PIK3R4: variants seen among roughly 807,000 people sequenced by gnomAD.
PIK3R4 encodes phosphoinositide-3-kinase regulatory subunit 4, also known as phosphoinositide 3-kinase regulatory subunit 4.
PIK3R4 carries 46 observed loss-of-function variants against 136.5 expected under a neutral mutation model. The observed-to-expected ratio is 0.34, with a 90% CI of 0.27 to 0.43. The LOEUF is 0.43. Ranked by LOEUF, PIK3R4 falls within the 20% of genes least tolerant of loss-of-function variation. PIK3R4 has a pLI of 1.00. For missense variants in PIK3R4, 1,331 were observed against 1,649.5 expected (o/e 0.81, Z 3.35); for synonymous variants, 557 against 566.7 (o/e 0.98, Z 0.24).
In PIK3R4 at chr3:130,708,444, T is replaced by C. The variant is rs371460087; in HGVS notation, c.2380A>G (p.Met794Val). 18 of 1,613,518 alleles carry C rather than the reference T, an allele frequency of 1.1e-5. No homozygotes were observed. The highest frequency in any genetic ancestry group is 1.4e-5 in the Non-Finnish European group (17 of 1,179,602). The change falls in exon 10 of 20, where the codon ATG (methionine) becomes GTG (valine). Residue 794 changes from methionine to valine, a missense_variant. By Grantham distance (21) the Met-to-Val change is conservative (BLOSUM62 1). Transcript: ENST00000356763. ...EDKLLALKDFMMKSNKAKANI... is the reference protein window; with the variant it reads ...EDKLLALKDFVMKSNKAKANI... The stretch of plus-strand genomic sequence containing the variant: ...GCCTTTGCTTTATTAGATTTCATCA[T>C]GAAGTCTTTCAGTGCCAGAAGTTTG...
At position 130,745,157 on chromosome 3, in the gene PIK3R4, G is replaced by C; in HGVS notation, c.62C>G (p.Ser21Ter). 6.2e-7 allele frequency: 1 copy of C among 1,611,368 alleles called. No individual in the cohort carries two copies. Among genetic ancestry groups the C allele is most frequent in the Admixed American group, 1.7e-5 (1 of 59,530 alleles). Reference protein sequence around the residue: ...SQILSVESYFSDIHDFEYDKS... With the variant: ...SQILSVESYF ...ATCATATTCAAAGTCATGAATATCT[G>C]AAAAATAACTCTCTACAGAAAGGAT... Residue 21 changes from serine to a stop codon, truncating the protein, a stop_gained, in exon 2 of 20, where the codon TCA becomes TGA. Transcript: ENST00000356763. LOFTEE classifies it high-confidence loss of function.
At chr3:130,704,911 A>C (rs1275016566) in intron 12 of PIK3R4, among the ~76,000 whole-genome samples, 1 of 152,032 alleles carries the variant, frequency 6.6e-6, no homozygotes, top group African/African-American at 2.4e-5. Flanking sequence ...GCTCACTGCA[A>C]CCTCTACCTC....
intron 7 of PIK3R4, among the ~76,000 whole-genome samples, chr3:130,723,063 A>C (rs1233889673): frequency 2.1e-5 from 1 of 48,476 alleles, no homozygotes; most frequent in African/African-American, 1.2e-4. Context: ...AGACTGTCGC[A>C]AAAAAAAAAA....
chr3:130,711,717 T>G (rs1361899493), intron 9 of PIK3R4, among the ~76,000 whole-genome samples: 1 of 152,084 alleles, frequency 6.6e-6, no homozygotes, highest in Non-Finnish European at 1.5e-5. Flanking sequence ...AAAGCAAAGC[T>G]TAAAAGGATG....
Position 130,746,399 on chromosome 3 carries a change from A to C in PIK3R4, c.-128T>G. 6.6e-6 allele frequency: 1 copy of C among 152,398 alleles called. No individual in the cohort carries two copies. Among genetic ancestry groups the C allele is most frequent in the South Asian group, 2.1e-4 (1 of 4,818 alleles). The allele number at this position is 152,398 out of a possible 1,614,324, so 9.4% of individuals were successfully genotyped here. On this transcript the variant is annotated 5_prime_UTR_variant, in exon 1 of 20. Coordinates refer to ENST00000356763, the MANE Select transcript of PIK3R4 (RefSeq NM_014602.3). ...GACTACTTCGGGGACGGGACGGGAA[A>C]ACGCGTCAGCAGCGGGGAAGTTGTT...
chr3:130,683,296 G>A (rs1232238479), intron 16 of PIK3R4, among the ~76,000 whole-genome samples: 2 of 152,178 alleles, frequency 1.3e-5, no homozygotes, highest in African/African-American at 4.8e-5. Flanking sequence ...ATAGGTATGA[G>A]TCTGAATAAA....
Position 130,686,125 on chromosome 3 carries a change from A to G in PIK3R4, c.3475+86T>C, listed in dbSNP as rs1006262237. 5.1e-6 allele frequency: 4 copies of G among 786,160 alleles called. No individual in the cohort carries two copies. In the African/African-American group the frequency reaches 7.0e-5, roughly 14 times the overall value. The allele number at this position is 786,160 out of a possible 1,614,324, so 48.7% of individuals were successfully genotyped here. A position where few individuals can be genotyped will look rare whatever the true frequency, so the allele number is the denominator to read the frequency against. On this transcript the variant is annotated intron_variant, in intron 15 of 19. Coordinates refer to ENST00000356763, the MANE Select transcript of PIK3R4 (RefSeq NM_014602.3). Reference sequence around the variant, plus strand: ...AGACGGGAAAAATTACCAATGAACAAAGAGGAAAAAACTGATTTCACAAGA... The same window carrying G: ...AGACGGGAAAAATTACCAATGAACAGAGAGGAAAAAACTGATTTCACAAGA...
intron 2 of PIK3R4, among the ~76,000 whole-genome samples, chr3:130,740,073 G>A (rs971593788): frequency 6.6e-6 from 1 of 152,156 alleles, no homozygotes; most frequent in Non-Finnish European, 1.5e-5. Context: ...TCATCATTGG[G>A]GGAAGCTGGG....
intron 13 of PIK3R4, among the ~76,000 whole-genome samples, chr3:130,695,651 T>G (rs780864441): frequency 8.5e-5 from 13 of 152,166 alleles, no homozygotes; most frequent in Non-Finnish European, 1.2e-4. Flanking sequence ...TTTTGAGAGA[T>G]AGAGACTCTA....
chr3:130,744,553 A>G lies in PIK3R4; in HGVS notation c.666T>C (p.Leu222=). 2 of 1,614,202 alleles carry G rather than the reference A, an allele frequency of 1.2e-6. No homozygotes were observed. ...TTCTCTGATTGCTATTTAAGTCTAC[A>G]AGCGGAGTTGAAGGATCTCTCATAT... The part of the protein sequence containing the change: ...LEYMRDPSTP[L]VDLNSNQRTR... Residue 222 remains leucine (L), a synonymous_variant, in exon 2 of 20, where the codon CTT becomes CTC. Transcript: ENST00000356763.
intron 16 of PIK3R4, among the ~76,000 whole-genome samples, chr3:130,682,919 T>C (rs139002238): frequency 6.6e-6 from 1 of 152,124 alleles, no homozygotes; most frequent in Non-Finnish European, 1.5e-5. Flanking sequence ...AAGAAAAAAA[T>C]GGTCTTAAGA....
At chr3:130,681,147 A>ACTGT (rs1289270086) in intron 17 of PIK3R4, 82 bp from the exon 18 acceptor site, 4 of 827,482 alleles carry the variant, frequency 4.8e-6, no homozygotes, top group South Asian at 1.4e-5. Context: ...AGGCAAGTTA[A>ACTGT]CTGTCAGTAG....
Position 130,707,045 on chromosome 3 carries a change from AG to A in PIK3R4, c.2623del (p.Leu875TyrfsTer9). On this transcript the variant is annotated frameshift_variant, in exon 11 of 20. Transcript: ENST00000356763. LOFTEE classifies it high-confidence loss of function. ...CACCTCCTGATCACTCCCTTTAGGT[AG>A]GGCCTGTGGCATGTTTGGTGGGTCC... ...SLDPPNMPQA[L>X]PKGSDQEVIQ... 6.2e-7 allele frequency: 1 copy of A among 1,612,984 alleles called. No individual in the cohort carries two copies. Among genetic ancestry groups the A allele is most frequent in the Non-Finnish European group, 8.5e-7 (1 of 1,179,504 alleles).
chr3:130,679,336 C>T lies in PIK3R4; in HGVS notation c.4056G>A (p.Gly1352=), dbSNP rs201481225. 1.9e-6 allele frequency: 3 copies of T among 1,606,868 alleles called. No homozygotes were observed. In the African/African-American group the frequency reaches 4.0e-5, roughly 21 times the overall value. ...GGTTTTATTTCCACACCTTCACAAT[C>T]CCATCTCTAGAAGCAGTTACGATGA... is the stretch of plus-strand genomic sequence containing the variant. The part of the protein sequence containing the change: ...QGFIVTASRD[G]IVKVWK Residue 1352 remains glycine (G), a synonymous_variant, in exon 20 of 20, where the codon GGG becomes GGA. Coordinates refer to ENST00000356763, the MANE Select transcript of PIK3R4 (RefSeq NM_014602.3).
intron 13 of PIK3R4, among the ~76,000 whole-genome samples, chr3:130,691,496 A>G (rs2066518105): frequency 6.6e-6 from 1 of 151,862 alleles, no homozygotes; most frequent in Non-Finnish European, 1.5e-5. Flanking sequence ...CTTTGAATTC[A>G]CTGCCAAACT....
At chr3:130,713,733 C>T (rs773753985) in intron 9 of PIK3R4, among the ~76,000 whole-genome samples, 7 of 151,810 alleles carry the variant, frequency 4.6e-5, no homozygotes, top group African/African-American at 9.7e-5. Flanking sequence ...AGTGCAATGG[C>T]GCGATCTCAG....
Position 130,739,231 on chromosome 3 carries a change from C to T in PIK3R4, c.734-3229G>A, listed in dbSNP as rs372731419. Among the ~76,000 whole-genome samples, 21 of 152,252 alleles carry T rather than the reference C, an allele frequency of 1.4e-4. No homozygotes were observed. In the East Asian group the frequency reaches 3.1e-3, roughly 22 times the overall value. ...AGCTGGGACTACAGGCGCCTGCCAC[C>T]GCGCCCAGCTAATTTTTTGTATTTT... On this transcript the variant is annotated intron_variant, in intron 2 of 19. Coordinates refer to ENST00000356763, the MANE Select transcript of PIK3R4 (RefSeq NM_014602.3).
intron 13 of PIK3R4, among the ~76,000 whole-genome samples, chr3:130,695,443 T>A (rs2066540821): frequency 6.6e-6 from 1 of 152,132 alleles, no homozygotes; most frequent in Non-Finnish European, 1.5e-5. Flanking sequence ...AATAAACAAT[T>A]CATAAGTTTT....
intron 2 of PIK3R4, among the ~76,000 whole-genome samples, chr3:130,740,059 A>G (rs951878601): frequency 3.9e-5 from 6 of 152,196 alleles, no homozygotes; most frequent in African/African-American, 1.4e-4. Context: ...ACAGTCATAA[A>G]AGGTCATCAT....
Sources: gnomAD v4.1 joint callset for allele counts (sites outside exome capture counted in the v4.1 genomes callset) on GRCh38, gnomAD v4.1.1 for gene constraint, MANE v1.5 for transcripts, NCBI Gene and HGNC (gene_info 2026-07-23, HGNC 2026-07-21) for gene names.